The following SP9 variants were observed in gnomAD, a reference collection of about 807,000 sequenced individuals.
SP9 encodes the protein transcription factor Sp9.
A neutral mutation model predicts 23.0 loss-of-function variants in SP9; 5 were observed. The observed-to-expected ratio is 0.22, with a 90% CI of 0.11 to 0.46. The LOEUF is 0.46. SP9 is among the 20% of genes least tolerant of loss of function. The pLI is 0.99. For missense variants in SP9, 542 were observed against 724.0 expected (o/e 0.75, Z 2.88); for synonymous variants, 360 against 356.5 (o/e 1.01, Z -0.11).
Position 174,336,354 on chromosome 2 carries a change from G to A in SP9, c.269G>A (p.Cys90Tyr). Residue 90 changes from cysteine (C) to tyrosine (Y), a missense_variant, in exon 2 of 2, where the codon TGC (cysteine) becomes TAC (tyrosine). Coordinates refer to ENST00000394967, the MANE Select transcript of SP9 (RefSeq NM_001145250.2). ...GGSGAANSAF[C>Y]LASTSPTSSA... ...TCGGGCGCCGCCAACAGCGCCTTCT[G>A]CCTGGCCTCCACGTCGCCCACGTCG... is the stretch of plus-strand genomic sequence containing the variant. 6.7e-7 allele frequency: 1 copy of A among 1,500,048 alleles called. No homozygotes were observed. The highest frequency in any genetic ancestry group is 8.8e-7 in the Non-Finnish European group (1 of 1,132,352). 92.9% of individuals were successfully genotyped at this position (1,500,048 alleles called of 1,614,324 possible).
Position 174,336,089 on chromosome 2 carries a change from C to T in SP9, c.22-18C>T, listed in dbSNP as rs1259970560. ...GCCCTCCTCCTTCTTGCTCCCTCCCCCATCCCACCCACTCTAGGAAGAGCC... is the reference window on the plus strand; with the variant it reads ...GCCCTCCTCCTTCTTGCTCCCTCCCTCATCCCACCCACTCTAGGAAGAGCC... On this transcript the variant is annotated intron_variant, in intron 1 of 1. Coordinates refer to ENST00000394967, the MANE Select transcript of SP9 (RefSeq NM_001145250.2). 2 of 1,547,218 alleles carry T rather than the reference C, an allele frequency of 1.3e-6. No homozygotes were observed. Among genetic ancestry groups the T allele is most frequent in the Non-Finnish European group, 1.7e-6 (2 of 1,144,500 alleles).
Position 174,334,981 on chromosome 2 carries a change from C to A in SP9, c.-112C>A, listed in dbSNP as rs921076457. 9 of 1,303,602 alleles carry A rather than the reference C, an allele frequency of 6.9e-6. No homozygotes were observed. The highest frequency in any genetic ancestry group is 7.5e-6 in the Non-Finnish European group (7 of 930,936). The allele number at this position is 1,303,602 out of a possible 1,614,324, so 80.8% of individuals were successfully genotyped here. On this transcript the variant is annotated 5_prime_UTR_variant, in exon 1 of 2. Transcript: ENST00000394967. ...GTTTAGCCGGCGGGAGCCTGGAGTC[C>A]GCTCGGCACGAGCGCGGGGACGCGG...
Position 174,336,949 on chromosome 2 carries a change from TGCCGCCGCCGGG to T in SP9, c.866_877del (p.Ala289_Gly292del). 1 of 1,404,544 alleles carries T rather than the reference TGCCGCCGCCGGG, an allele frequency of 7.1e-7. No individual in the cohort carries two copies. Among genetic ancestry groups the T allele is most frequent in the Non-Finnish European group, 9.2e-7 (1 of 1,086,724 alleles). 87.0% of individuals were successfully genotyped at this position (1,404,544 alleles called of 1,614,324 possible). A position where few individuals can be genotyped will look rare whatever the true frequency, so the allele number is the denominator to read the frequency against. On this transcript the variant is annotated inframe_deletion, in exon 2 of 2. Transcript: ENST00000394967. ...GCGCCATGATATCGGGCGCCGCGGC[TGCCGCCGCCGGG>T]GGGAGCTCGGCACGCTCTGCCCGCC...
Position 174,336,472 on chromosome 2 carries a change from C to G in SP9, c.387C>G (p.Gly129=), listed in dbSNP as rs559598850. Residue 129 remains glycine (G), a synonymous_variant, in exon 2 of 2, where the codon GGC becomes GGG. Transcript: ENST00000394967. The stretch of plus-strand genomic sequence containing the variant: ...GGGTGTCCCCGCAGGAGGCGGGTGG[C>G]CAGTCGGCCTTCATTTCCAAGGTGC... ...AAGVSPQEAG[G]QSAFISKVHT... The G allele has an allele frequency of 6.8e-7, 1 of 1,479,472 alleles. No individual in the cohort carries two copies. The highest frequency in any genetic ancestry group is 1.3e-5 in the South Asian group (1 of 76,254). 91.6% of individuals were successfully genotyped at this position (1,479,472 alleles called of 1,614,324 possible). A position where few individuals can be genotyped will look rare whatever the true frequency, so the allele number is the denominator to read the frequency against.
chr2:174,337,358 G>A lies in SP9; in HGVS notation c.1273G>A (p.Asp425Asn). Residue 425 changes from aspartate (D) to asparagine (N), a missense_variant, in exon 2 of 2, where the codon GAC becomes AAC. Physicochemically the swap from Asp to Asn is conservative, Grantham distance 23. Around this residue, in one of 8 missense-constraint regions of SP9, gnomAD observed 35 missense variants for 67.2 expected, o/e 0.52. Transcript: ENST00000394967. ...GGGCGGCGGGGGCAAAAAGGGCAGCGACAGTGACACGGACGCCAGCAACCT... is the reference window on the plus strand; with the variant it reads ...GGGCGGCGGGGGCAAAAAGGGCAGCAACAGTGACACGGACGCCAGCAACCT... ...NGGGGGKKGS[D>N]SDTDASNLET... The A allele has an allele frequency of 6.5e-7, 1 of 1,550,312 alleles. No individual in the cohort carries two copies. Among genetic ancestry groups the A allele is most frequent in the Non-Finnish European group, 8.7e-7 (1 of 1,146,714 alleles).
rs1345943318 is a variant in SP9 at position 174,336,438 on chromosome 2, C to T, written c.353C>T (p.Ala118Val). Residue 118 changes from alanine (A) to valine (V), a missense_variant, in exon 2 of 2, where the codon GCA (alanine) becomes GTA (valine). Coordinates refer to ENST00000394967, the MANE Select transcript of SP9 (RefSeq NM_001145250.2). ...TCCAACTCGGCGGCTGCCGCGGCGG[C>T]AGCGGCCGGGGTGTCCCCGCAGGAG... The part of the protein sequence containing the change: ...LFSNSAAAAA[A>V]AAGVSPQEAG... 2.7e-6 allele frequency: 4 copies of T among 1,468,336 alleles called. No individual in the cohort carries two copies. Among genetic ancestry groups the T allele is most frequent in the Non-Finnish European group, 3.6e-6 (4 of 1,119,368 alleles). The allele number at this position is 1,468,336 out of a possible 1,614,324, so 91.0% of individuals were successfully genotyped here.
chr2:174,337,650 C>T lies in SP9; in HGVS notation c.*110C>T. On this transcript the variant is annotated 3_prime_UTR_variant, in exon 2 of 2. Transcript: ENST00000394967. ...GGGAGGGCAGGGGCTTCAGTGACGC[C>T]CCCAGGGCCCGGGCTGGGCGCGAGG... is the stretch of plus-strand genomic sequence containing the variant. The T allele has an allele frequency of 9.6e-7, 1 of 1,042,354 alleles. No homozygotes were observed. Among genetic ancestry groups the T allele is most frequent in the Non-Finnish European group, 1.2e-6 (1 of 865,476 alleles). 64.6% of individuals were successfully genotyped at this position (1,042,354 alleles called of 1,614,324 possible).
chr2:174,337,501 G>A lies in SP9; in HGVS notation c.1416G>A (p.Ala472=). ...CGGCGGCGGCGGCGGCGGCCTCCGC[G>A]GGAGGCAAGGAAGCAGCGTCTGGCC... ...AAAAAAAAAS[A]GGKEAASGPN... Residue 472 remains alanine, a synonymous_variant, in exon 2 of 2, where the codon GCG becomes GCA. Transcript: ENST00000394967. 1 of 1,188,740 alleles carries A rather than the reference G, an allele frequency of 8.4e-7. No homozygotes were observed. The allele number at this position is 1,188,740 out of a possible 1,614,324, so 73.6% of individuals were successfully genotyped here.
In SP9 at chr2:174,336,911, G is replaced by A; in HGVS notation, c.826G>A (p.Ala276Thr). The change falls in exon 2 of 2, where the codon GCC becomes ACC. Residue 276 changes from alanine (A) to threonine (T), a missense_variant. Around this residue, in one of 8 missense-constraint regions of SP9, gnomAD observed 144 missense variants for 158.7 expected, o/e 0.91. Transcript: ENST00000394967. ...TTCGGACTCCAGCGCCGCCGTGGCA[G>A]CCGCCGCCGCCAGCGCCATGATATC... ...SYSDSSAAVA[A>T]AAASAMISGA... 2.7e-6 allele frequency: 4 copies of A among 1,477,738 alleles called. No homozygotes were observed. Among genetic ancestry groups the A allele is most frequent in the South Asian group, 1.3e-5 (1 of 78,234 alleles). 91.5% of individuals were successfully genotyped at this position (1,477,738 alleles called of 1,614,324 possible). A position where few individuals can be genotyped will look rare whatever the true frequency, so the allele number is the denominator to read the frequency against.
intron 1 of SP9, 133 bp downstream of exon 1, chr2:174,335,246 C>G: frequency 1.9e-6 from 2 of 1,033,536 alleles, no homozygotes; most frequent in South Asian, 1.5e-5. Context: ...GCACTTTCCA[C>G]ATTTCTGGGA....
rs2105510469 is a variant in SP9, at chr2:174,337,471, A to AGCGGCGGGGGCGGCG, written c.1393_1394insGGGCGGCGGCGGCGG (p.Ala464_Ala465insGlyAlaAlaAlaAla). 8.4e-7 allele frequency: 1 copy of AGCGGCGGGGGCGGCG among 1,190,976 alleles called. No individual in the cohort carries two copies. The highest frequency in any genetic ancestry group is 3.6e-5 in the South Asian group (1 of 28,122). The allele number at this position is 1,190,976 out of a possible 1,614,324, so 73.8% of individuals were successfully genotyped here. On this transcript the variant is annotated inframe_insertion, in exon 2 of 2. Coordinates refer to ENST00000394967, the MANE Select transcript of SP9 (RefSeq NM_001145250.2). ...GGGCGGCGGCAGCGGCGGCGGCGGCAGCGGCGGCGGCGGCGGCGGCGGCCT... is the reference window on the plus strand; with the variant it reads ...GGGCGGCGGCAGCGGCGGCGGCGGCAGCGGCGGGGGCGGCGGCGGCGGCGGCGGCGGCGGCGGCCT...
At position 174,337,032 on chromosome 2, in the gene SP9, C is replaced by T. The variant is rs760661767; in HGVS notation, c.947C>T (p.Ala316Val). The change falls in exon 2 of 2, where the codon GCG becomes GTG. Residue 316 changes from alanine to valine, a missense_variant. Physicochemically the swap from Ala to Val is moderately conservative, Grantham distance 64 (BLOSUM62 0). Around this residue, in one of 8 missense-constraint regions of SP9, gnomAD observed 56 missense variants for 97.8 expected, o/e 0.57. Transcript: ENST00000394967. ...ATCDCPNCQE[A>V]ERLGPAGASL... ...TGCGACTGCCCCAACTGCCAGGAGG[C>T]GGAGCGGCTGGGCCCGGCCGGGGCG... 1.5e-5 allele frequency: 23 copies of T among 1,517,918 alleles called. No homozygotes were observed. The highest frequency in any genetic ancestry group is 1.3e-4 in the East Asian group (5 of 38,318). 94.0% of individuals were successfully genotyped at this position (1,517,918 alleles called of 1,614,324 possible).
In SP9 at chr2:174,336,603, C is replaced by A; in HGVS notation, c.518C>A (p.Thr173Asn). The A allele has an allele frequency of 7.0e-7, 1 of 1,427,072 alleles. No homozygotes were observed. The highest frequency in any genetic ancestry group is 9.1e-7 in the Non-Finnish European group (1 of 1,095,092). 88.4% of individuals were successfully genotyped at this position (1,427,072 alleles called of 1,614,324 possible). ...FHSTLAAGEV[T>N]NGAASSWWDV... ...TCGACGCTGGCGGCCGGCGAGGTGA[C>A]CAACGGCGCGGCGTCGTCGTGGTGG... The change falls in exon 2 of 2, where the codon ACC (threonine) becomes AAC (asparagine). Residue 173 changes from threonine to asparagine, a missense_variant. Physicochemically the swap from Thr to Asn is moderately conservative, Grantham distance 65. This residue lies in a region of SP9 where 144 missense variants were observed against 158.7 expected (regional missense o/e 0.91). Transcript: ENST00000394967.
chr2:174,337,313 C>T lies in SP9; in HGVS notation c.1228C>T (p.His410Tyr). Reference protein sequence around the residue: ...RFMRSDHLSKHIKTHNGGGGG... With the variant: ...RFMRSDHLSKYIKTHNGGGGG... ...CATGCGCAGCGACCACCTGAGCAAA[C>T]ACATTAAGACGCACAACGGGGGCGG... is the stretch of plus-strand genomic sequence containing the variant. Residue 410 changes from histidine to tyrosine, a missense_variant, in exon 2 of 2, where the codon CAC (histidine) becomes TAC (tyrosine). This residue lies in a region of SP9 where 35 missense variants were observed against 67.2 expected (regional missense o/e 0.52). Transcript: ENST00000394967. 1 of 1,552,728 alleles carries T rather than the reference C, an allele frequency of 6.4e-7. No homozygotes were observed. Among genetic ancestry groups the T allele is most frequent in the Non-Finnish European group, 8.7e-7 (1 of 1,147,826 alleles).
rs1049201330 is a variant in SP9 at position 174,337,708 on chromosome 2, G to T, written c.*168G>T. 2 of 874,294 alleles carry T rather than the reference G, an allele frequency of 2.3e-6. No homozygotes were observed. The highest frequency in any genetic ancestry group is 2.8e-6 in the Non-Finnish European group (2 of 713,516). 54.2% of individuals were successfully genotyped at this position (874,294 alleles called of 1,614,324 possible). On this transcript the variant is annotated 3_prime_UTR_variant, in exon 2 of 2. Coordinates refer to ENST00000394967, the MANE Select transcript of SP9 (RefSeq NM_001145250.2). ...GCTCAGGGCTCCCGGGCTGCGGTTCGCCCGCTGTGCGAGGAGCTCCCCTCT... is the reference window on the plus strand; with the variant it reads ...GCTCAGGGCTCCCGGGCTGCGGTTCTCCCGCTGTGCGAGGAGCTCCCCTCT...
intron 1 of SP9, chr2:174,335,425 A>C: frequency 4.9e-6 from 2 of 406,392 alleles, no homozygotes; most frequent in Non-Finnish European, 4.5e-6. Context: ...TGTTGCAATT[A>C]TGCGACAATG....
chr2:174,335,907 C>A, intron 1 of SP9, 200 bp from the exon 2 acceptor site: 1 of 556,742 alleles, frequency 1.8e-6, no homozygotes, highest in Non-Finnish European at 3.2e-6. Context: ...CCTGGACCTT[C>A]GCCCGGGTGA....
chr2:174,335,100 C>G lies in SP9; in HGVS notation c.8C>G (p.Thr3Arg). The G allele has an allele frequency of 6.4e-7, 1 of 1,551,756 alleles. No homozygotes were observed. The highest frequency in any genetic ancestry group is 8.7e-7 in the Non-Finnish European group (1 of 1,146,990). The change falls in exon 1 of 2, where the codon ACG becomes AGG. Residue 3 changes from threonine (T) to arginine (R), a missense_variant. Physicochemically the swap from Thr to Arg is moderately conservative, Grantham distance 71 (BLOSUM62 -1). Coordinates refer to ENST00000394967, the MANE Select transcript of SP9 (RefSeq NM_001145250.2). MATSILGEEPRFG... is the reference protein window; with the variant it reads MARSILGEEPRFG... The stretch of plus-strand genomic sequence containing the variant: ...CGCAGCCAGAGACCTGCTATGGCCA[C>G]GTCTATACTCGGGGTAAGTCGCAAG...
chr2:174,336,720 C>T lies in SP9; in HGVS notation c.635C>T (p.Ser212Leu). 1 of 1,528,248 alleles carries T rather than the reference C, an allele frequency of 6.5e-7. No homozygotes were observed. Among genetic ancestry groups the T allele is most frequent in the Non-Finnish European group, 8.7e-7 (1 of 1,143,632 alleles). The allele number at this position is 1,528,248 out of a possible 1,614,324, so 94.7% of individuals were successfully genotyped here. The part of the protein sequence containing the change: ...SSLHSGAPQA[S>L]LHSQLGTYNP... The stretch of plus-strand genomic sequence containing the variant: ...CTGCACTCGGGCGCCCCCCAGGCCT[C>T]GCTGCACTCGCAGCTGGGCACCTAC... The change falls in exon 2 of 2, where the codon TCG becomes TTG. Residue 212 changes from serine (S) to leucine (L), a missense_variant. Around this residue, in one of 8 missense-constraint regions of SP9, gnomAD observed 144 missense variants for 158.7 expected, o/e 0.91. Coordinates refer to ENST00000394967, the MANE Select transcript of SP9 (RefSeq NM_001145250.2).
Sources: allele counts gnomAD v4.1 joint callset, GRCh38; gene constraint gnomAD v4.1.1; regional missense constraint gnomAD v4.1.1; transcripts MANE v1.5; gene names NCBI Gene and HGNC (gene_info 2026-07-23, HGNC 2026-07-21).